Variants in AKAP9 observed in about 807,000 individuals in gnomAD.
The protein encoded by AKAP9 is A-kinase anchor protein 9.
Under a neutral mutation model 488.5 loss-of-function variants are expected in AKAP9, and 311 were observed. That is an observed-to-expected ratio of 0.64 (90% CI 0.58 to 0.70). The LOEUF (loss-of-function observed/expected upper bound fraction) is 0.70. Ranked by LOEUF, AKAP9 falls within the 30% of genes least tolerant of loss-of-function variation. The pLI, the probability that AKAP9 is intolerant of heterozygous loss-of-function variation, is 0.00. For missense variants in AKAP9, 4,215 were observed against 4,374.5 expected, an observed-to-expected ratio of 0.96 and a Z score of 1.03; for synonymous variants, 1,462 against 1,483.5, an observed-to-expected ratio of 0.99 and a Z score of 0.33.
intron 28 of AKAP9, among the ~76,000 whole-genome samples, chr7:92,075,117 G>A (rs989594895): frequency 6.6e-6 from 1 of 151,980 alleles, no homozygotes; most frequent in Admixed American, 6.6e-5. Flanking sequence ...ACAAGTGTGG[G>A]GTGTGACATG....
intron 1 of AKAP9, among the ~76,000 whole-genome samples, chr7:91,959,975 G>A (rs898978724): frequency 1.3e-5 from 2 of 152,176 alleles, no homozygotes; most frequent in Admixed American, 6.5e-5. Context: ...TGGGACAACT[G>A]TTATAATCTT....
Position 92,012,292 on chromosome 7 carries a change from C to T in AKAP9, c.3319-137C>T, listed in dbSNP as rs975463906. The stretch of plus-strand genomic sequence containing the variant: ...AGAAAGGTAGATCAATGCAACAGCA[C>T]GAAGATAGAAAAAAAATTAGACTTC... On this transcript the variant is annotated intron_variant, in intron 8 of 49. Transcript: ENST00000356239. The T allele has an allele frequency of 1.2e-4, 85 of 737,798 alleles. 1 individual carries two copies. The highest frequency in any genetic ancestry group is 7.8e-4 in the Middle Eastern group (2 of 2,548). 45.7% of individuals were successfully genotyped at this position (737,798 alleles called of 1,614,324 possible).
intron 22 of AKAP9, among the ~76,000 whole-genome samples, chr7:92,056,101 A>C (rs1808748080): frequency 6.6e-6 from 1 of 151,876 alleles, no homozygotes; most frequent in Non-Finnish European, 1.5e-5. Flanking sequence ...TCCATCAGTT[A>C]ATATACTGTT....
intron 14 of AKAP9, among the ~76,000 whole-genome samples, chr7:92,025,599 A>C (rs574084926): frequency 6.6e-6 from 1 of 152,268 alleles, no homozygotes; most frequent in Non-Finnish European, 1.5e-5. Flanking sequence ...TGGTGATTTC[A>C]TACTAGAAAC....
intron 49 of AKAP9, 139 bp downstream of exon 49, chr7:92,108,772 G>T: frequency 9.7e-7 from 1 of 1,034,868 alleles, no homozygotes; most frequent in Non-Finnish European, 1.5e-6. Context: ...GTTAGCCAAA[G>T]CTTAAACTCT....
chr7:91,953,059 TGGAGGATAGGTTGA>T lies in AKAP9; in HGVS notation c.48+11921_48+11934del, dbSNP rs1792462190. Among the ~76,000 whole-genome samples the T allele has an allele frequency of 3.3e-5, 5 of 152,292 alleles. 1 individual carries two copies. In the South Asian group the frequency reaches 1.0e-3, roughly 32 times the overall value. On this transcript the variant is annotated intron_variant, in intron 1 of 49. Coordinates refer to ENST00000356239, the MANE Select transcript of AKAP9 (RefSeq NM_005751.5). Reference sequence around the variant, plus strand: ...TAGATAGATGTATTTGACAGCTGTGTGGAGGATAGGTTGAGGAGGATAAAACCATTTACGAGGCT... The same window carrying T: ...TAGATAGATGTATTTGACAGCTGTGTGGAGGATAAAACCATTTACGAGGCT...
At position 92,061,333 on chromosome 7, in the gene AKAP9, C is replaced by A; in HGVS notation, c.5675C>A (p.Ser1892Tyr). Residue 1892 changes from serine (S) to tyrosine (Y), a missense_variant, in exon 23 of 50, where the codon TCC (serine) becomes TAC (tyrosine). Transcript: ENST00000356239. The part of the protein sequence containing the change: ...SFRQKQEATE[S>Y]LKCQEELRER... Reference sequence around the variant, plus strand: ...AGACAGAAACAAGAAGCAACAGAGTCCCTTAAGTGCCAAGAGGAACTTCGA... The same window carrying A: ...AGACAGAAACAAGAAGCAACAGAGTACCTTAAGTGCCAAGAGGAACTTCGA... The A allele has an allele frequency of 6.2e-7, 1 of 1,613,056 alleles. No individual in the cohort carries two copies. The highest frequency in any genetic ancestry group is 8.5e-7 in the Non-Finnish European group (1 of 1,179,488).
chr7:91,999,497 A>G (rs886365518), intron 7 of AKAP9, among the ~76,000 whole-genome samples: 1 of 152,236 alleles, frequency 6.6e-6, no homozygotes, highest in Non-Finnish European at 1.5e-5. Context: ...AGAGACCTAA[A>G]TATTTCAAGT....
chr7:92,026,409 G>A (rs1048894222), intron 14 of AKAP9, among the ~76,000 whole-genome samples: 1 of 151,900 alleles, frequency 6.6e-6, no homozygotes, highest in African/African-American at 2.4e-5. Context: ...ATCTCGGCTC[G>A]CTGCAACCTC....
rs925099359 is a variant in AKAP9 at position 92,092,213 on chromosome 7, T to C, written c.9359-884T>C. 2.6e-5 allele frequency: 4 copies of C among 152,332 alleles called. No individual in the cohort carries two copies. The East Asian group carries it at 7.7e-4, about 29-fold the overall frequency. 9.4% of individuals were successfully genotyped at this position (152,332 alleles called of 1,614,324 possible). A position where few individuals can be genotyped will look rare whatever the true frequency, so the allele number is the denominator to read the frequency against. On this transcript the variant is annotated intron_variant, in intron 38 of 49. Coordinates refer to ENST00000356239, the MANE Select transcript of AKAP9 (RefSeq NM_005751.5). ...TTTAACATACTGAGGCATTTAAAAT[T>C]TTCAGTTTGTTTTTATTGTAGCAAA...
Position 92,100,948 on chromosome 7 carries a change from G to C in AKAP9, c.10989G>C (p.Gln3663His). 5.0e-6 allele frequency: 8 copies of C among 1,614,132 alleles called. No individual in the cohort carries two copies. The highest frequency in any genetic ancestry group is 6.8e-6 in the Non-Finnish European group (8 of 1,180,020). The stretch of plus-strand genomic sequence containing the variant: ...GGAACAGAGAAAAATTGACTCTCCA[G>C]AAATCTTTGAAAAGGGCAGAGGCTG... ...EVWNREKLTL[Q>H]KSLKRAEAEV... Residue 3663 changes from glutamine (Q) to histidine (H), a missense_variant, in exon 45 of 50, where the codon CAG (glutamine) becomes CAC (histidine). This residue lies in a region of AKAP9 where 74 missense variants were observed against 113.0 expected (regional missense o/e 0.65). Transcript: ENST00000356239.
At chr7:92,083,756 T>C in intron 33 of AKAP9, 101 bp downstream of exon 33, 1 of 1,221,378 alleles carries the variant, frequency 8.2e-7, no homozygotes, top group South Asian at 1.4e-5. Context: ...AAAATGCAAC[T>C]CATTAAGGCA....
intron 40 of AKAP9, among the ~76,000 whole-genome samples, chr7:92,096,050 A>C (rs1259191319): frequency 2.0e-5 from 3 of 152,182 alleles, no homozygotes; most frequent in Non-Finnish European, 4.4e-5. Flanking sequence ...CAAATTTATT[A>C]ATGTGCACAG....
intron 1 of AKAP9, among the ~76,000 whole-genome samples, chr7:91,972,891 A>AT (rs1159657584): frequency 2.0e-5 from 3 of 152,192 alleles, no homozygotes; most frequent in Non-Finnish European, 4.4e-5. Flanking sequence ...GCTGTTTGAT[A>AT]TTTAAGTTAT....
intron 12 of AKAP9, among the ~76,000 whole-genome samples, chr7:92,017,740 T>A (rs1436581151): frequency 6.6e-6 from 1 of 152,202 alleles, no homozygotes; most frequent in Non-Finnish European, 1.5e-5. Flanking sequence ...GTGAAAGTTA[T>A]AATGTTGATG....
At chr7:92,005,608 T>G (rs188487720) in intron 8 of AKAP9, among the ~76,000 whole-genome samples, 19 of 152,334 alleles carry the variant, frequency 1.2e-4, no homozygotes, top group Admixed American at 1.2e-3. Flanking sequence ...AATGTAGAGA[T>G]ATTTTATATA....
intron 16 of AKAP9, among the ~76,000 whole-genome samples, chr7:92,037,761 TAAG>T (rs923623230): frequency 1.3e-5 from 2 of 152,160 alleles, no homozygotes; most frequent in African/African-American, 4.8e-5. Flanking sequence ...TTTGAGGAAA[TAAG>T]AAAAGATATG....
At chr7:92,006,032 G>T (rs1257061785) in intron 8 of AKAP9, among the ~76,000 whole-genome samples, 10 of 152,124 alleles carry the variant, frequency 6.6e-5, no homozygotes, top group Admixed American at 6.6e-4. Context: ...AAAATGTATG[G>T]CAGTTACTTG....
intron 28 of AKAP9, among the ~76,000 whole-genome samples, chr7:92,072,876 C>T (rs995518617): frequency 6.6e-6 from 1 of 152,178 alleles, no homozygotes; most frequent in Non-Finnish European, 1.5e-5. Flanking sequence ...CGAGGACAGA[C>T]TCTGTTATCC....
Sources: gnomAD v4.1 joint callset for allele counts (sites outside exome capture counted in the v4.1 genomes callset) on GRCh38, gnomAD v4.1.1 for gene constraint, gnomAD v4.1.1 regional missense constraint, MANE v1.5 for transcripts, NCBI Gene and HGNC (gene_info 2026-07-23, HGNC 2026-07-21) for gene names.